The following AOPEP variants were observed in gnomAD, a reference collection of about 807,000 sequenced individuals.
AOPEP encodes the protein aminopeptidase O.
In AOPEP, 77 loss-of-function variants were observed where a neutral mutation model predicts 98.1. The observed-to-expected ratio is 0.78, with a 90% CI of 0.65 to 0.95. AOPEP has a LOEUF of 0.95. Ranked by LOEUF, AOPEP falls within the 40% of genes least tolerant of loss-of-function variation. AOPEP has a pLI of 0.00. For synonymous variants in AOPEP, 346 were observed against 365.3 expected, an observed-to-expected ratio of 0.95 and a Z score of 0.60; for missense variants, 1,024 against 1,024.7, an observed-to-expected ratio of 1.00 and a Z score of 0.01.
chr9:95,131,576 C>G, the AOPEP span, among the ~76,000 whole-genome samples: 1 of 152,190 alleles, frequency 6.6e-6, no homozygotes, highest in East Asian at 1.9e-4. Flanking sequence ...GTCCAAGATG[C>G]AGAACCTCCC....
chr9:94,882,332 A>G (rs1299956778), intron 5 of AOPEP, among the ~76,000 whole-genome samples: 1 of 152,182 alleles, frequency 6.6e-6, no homozygotes. Context: ...GCTTTTTGCA[A>G]AGAATCATTT....
At chr9:95,077,066 G>A (rs1286901564) in intron 14 of AOPEP, among the ~76,000 whole-genome samples, 1 of 152,164 alleles carries the variant, frequency 6.6e-6, no homozygotes. Context: ...GAGAGGGGGA[G>A]GGGACACTAT....
chr9:95,107,924 T>TA, the AOPEP span, among the ~76,000 whole-genome samples: 2 of 152,196 alleles, frequency 1.3e-5, no homozygotes, highest in Admixed American at 1.3e-4. Flanking sequence ...TGCTTTTGCA[T>TA]AAAAAATACT....
chr9:94,793,055 G>A (rs1490879402), intron 4 of AOPEP, 137 bp downstream of exon 4: 7 of 1,028,876 alleles, frequency 6.8e-6, no homozygotes, highest in African/African-American at 1.6e-5. Context: ...AATCAAAGCA[G>A]GAAAAGCCCT....
At chr9:94,954,480 A>G (rs2058322049) in intron 7 of AOPEP, among the ~76,000 whole-genome samples, 1 of 152,208 alleles carries the variant, frequency 6.6e-6, no homozygotes, top group Non-Finnish European at 1.5e-5. Context: ...TCGCAAAAAA[A>G]TCTCGTAATG....
chr9:94,956,985 T>C (rs2058501941), intron 9 of AOPEP, among the ~76,000 whole-genome samples: 1 of 152,178 alleles, frequency 6.6e-6, no homozygotes, highest in Non-Finnish European at 1.5e-5. Flanking sequence ...TAAGCATATA[T>C]TTGGAAAAGC....
intron 11 of AOPEP, among the ~76,000 whole-genome samples, chr9:94,986,768 G>C (rs1050891832): frequency 2.0e-5 from 3 of 152,208 alleles, no homozygotes; most frequent in Non-Finnish European, 4.4e-5. Flanking sequence ...CCATCACAAT[G>C]AAATGAGAAA....
chr9:94,849,242 T>G (rs1330735566), intron 5 of AOPEP, among the ~76,000 whole-genome samples: 1 of 152,200 alleles, frequency 6.6e-6, no homozygotes, highest in Admixed American at 6.5e-5. Flanking sequence ...AAAACAAACT[T>G]ATATTTTCAT....
Position 95,008,663 on chromosome 9 carries a change from A to AGATAAAGT in AOPEP, c.2115+3051_2115+3058dup, listed in dbSNP as rs146708395. 8.4e-3 allele frequency among the ~76,000 whole-genome samples: 1,286 copies of AGATAAAGT among 152,294 alleles called. 19 individuals are homozygous for AGATAAAGT. Among genetic ancestry groups the AGATAAAGT allele is most frequent in the African/African-American group, 0.029 (1,218 of 41,544 alleles). On this transcript the variant is annotated intron_variant, in intron 13 of 16. Transcript: ENST00000375315. ...AATTGGGGACTGAGATGTACCATGC[A>AGATAAAGT]GATAAAGTGATGTAAAGTGCTCTGC...
intron 13 of AOPEP, among the ~76,000 whole-genome samples, chr9:95,034,972 CT>C (rs1402142013): frequency 2.3e-5 from 1 of 42,628 alleles, no homozygotes; most frequent in Non-Finnish European, 6.6e-5. Flanking sequence ...ATTTCTTTTT[CT>C]TTTTTCTTTT....
chr9:94,748,473 G>T (rs1023462873), intron 1 of AOPEP, among the ~76,000 whole-genome samples: 13 of 152,236 alleles, frequency 8.5e-5, no homozygotes, highest in Admixed American at 3.3e-4. Context: ...CCAAAAAGTT[G>T]CAAACATAGT....
At chr9:94,975,450 TACTA>T (rs1462447757) in intron 10 of AOPEP, among the ~76,000 whole-genome samples, 3 of 152,258 alleles carry the variant, frequency 2.0e-5, no homozygotes, top group East Asian at 3.9e-4. Flanking sequence ...TGTGTGCAAG[TACTA>T]ACTATGTTAA....
At chr9:94,954,568 G>C (rs1012814436) in intron 7 of AOPEP, among the ~76,000 whole-genome samples, 1 of 152,186 alleles carries the variant, frequency 6.6e-6, no homozygotes, top group African/African-American at 2.4e-5. Context: ...GATGGGCTGT[G>C]GGTTGGACAA....
chr9:94,812,524 C>T (rs1937104669), intron 5 of AOPEP, among the ~76,000 whole-genome samples: 1 of 152,106 alleles, frequency 6.6e-6, no homozygotes, highest in African/African-American at 2.4e-5. Context: ...CTTTGGCACA[C>T]ATCCTGCCCT....
chr9:94,766,884 T>C (rs1334530900), intron 2 of AOPEP, among the ~76,000 whole-genome samples: 2 of 152,220 alleles, frequency 1.3e-5, no homozygotes, highest in Non-Finnish European at 2.9e-5. Context: ...TAAGGAGAAC[T>C]ACTTTTTTCT....
chr9:95,083,636 ACAC>A (rs1369331155), intron 16 of AOPEP, among the ~76,000 whole-genome samples: 1 of 150,614 alleles, frequency 6.6e-6, no homozygotes, highest in East Asian at 2.0e-4. Context: ...TGCAGCACAC[ACAC>A]CACACACAGC....
At chr9:94,743,971 G>T (rs770410391) in intron 1 of AOPEP, among the ~76,000 whole-genome samples, 3 of 152,154 alleles carry the variant, frequency 2.0e-5, no homozygotes, top group Non-Finnish European at 2.9e-5. Flanking sequence ...TGTGACCATG[G>T]GGTCCAGCGT....
chr9:95,122,348 T>A, the AOPEP span, among the ~76,000 whole-genome samples: 1 of 152,098 alleles, frequency 6.6e-6, no homozygotes, highest in Non-Finnish European at 1.5e-5. Flanking sequence ...TTTGATTAGC[T>A]AAAAATGGAC....
chr9:94,823,454 C>T (rs1268636487), intron 5 of AOPEP, among the ~76,000 whole-genome samples: 1 of 152,196 alleles, frequency 6.6e-6, no homozygotes, highest in Non-Finnish European at 1.5e-5. Context: ...TGTTGAACCA[C>T]TTTTCCAGAT....
Sources: gnomAD v4.1 joint callset for allele counts (sites outside exome capture counted in the v4.1 genomes callset) on GRCh38, gnomAD v4.1.1 for gene constraint, MANE v1.5 for transcripts, NCBI Gene and HGNC (gene_info 2026-07-23, HGNC 2026-07-21) for gene names.